Variants in DLG2 observed in about 807,000 individuals in gnomAD.
DLG2 encodes the protein discs large MAGUK scaffold protein 2, also known as disks large homolog 2.
In DLG2, 45 loss-of-function variants were observed where a neutral mutation model predicts 132.5. The ratio of observed to expected loss-of-function variants is 0.34; its 90% CI spans 0.27 to 0.44. DLG2 has a LOEUF of 0.44. Among genes scored for constraint, DLG2 ranks in the 20% least tolerant of loss-of-function variants. The pLI is 1.00. For synonymous variants in DLG2, 424 were observed against 419.6 expected (o/e 1.01, Z -0.13); for missense variants, 1,045 against 1,196.9 (o/e 0.87, Z 1.87).
intron 4 of DLG2, among the ~76,000 whole-genome samples, chr11:85,165,352 C>A (rs1313326710): frequency 6.6e-6 from 1 of 152,134 alleles, no homozygotes; most frequent in Non-Finnish European, 1.5e-5. Flanking sequence ...CCCAAAAGAC[C>A]AGACGAAATC....
At chr11:85,519,007 A>G (rs762193191) in intron 3 of DLG2, among the ~76,000 whole-genome samples, 32 of 152,154 alleles carry the variant, frequency 2.1e-4, no homozygotes, top group Non-Finnish European at 4.0e-4. Flanking sequence ...AGATTTCAGA[A>G]GACATATGGA....
intron 3 of DLG2, among the ~76,000 whole-genome samples, chr11:85,400,848 AG>A (rs1242677129): frequency 2.6e-5 from 4 of 151,538 alleles, no homozygotes; most frequent in African/African-American, 9.7e-5. Flanking sequence ...CGAGTTAATG[AG>A]TGCAGCACAC....
intron 2 of DLG2, among the ~76,000 whole-genome samples, chr11:85,621,311 A>G (rs2081684111): frequency 6.6e-6 from 1 of 152,228 alleles, no homozygotes; most frequent in Non-Finnish European, 1.5e-5. Flanking sequence ...CAAGGAGATT[A>G]AAGTTGTTTT....
At chr11:85,202,989 A>G (rs2081579001) in intron 4 of DLG2, among the ~76,000 whole-genome samples, 2 of 151,026 alleles carry the variant, frequency 1.3e-5, no homozygotes. Context: ...AGAGCTAGAA[A>G]ATAAGAACAA....
intron 3 of DLG2, among the ~76,000 whole-genome samples, chr11:85,348,129 G>A (rs182663173): frequency 5.3e-5 from 8 of 151,480 alleles, no homozygotes; most frequent in Non-Finnish European, 8.8e-5. Flanking sequence ...GGGACTACAC[G>A]CGCATGCCAC....
At chr11:84,530,444 C>A (rs567946639) in intron 7 of DLG2, among the ~76,000 whole-genome samples, 2 of 152,104 alleles carry the variant, frequency 1.3e-5, no homozygotes, top group Admixed American at 6.5e-5. Flanking sequence ...AAAAACAATC[C>A]TTTAAAAAAA....
intron 17 of DLG2, among the ~76,000 whole-genome samples, chr11:83,828,349 C>G (rs1318618973): frequency 6.6e-6 from 1 of 152,102 alleles, no homozygotes; most frequent in Non-Finnish European, 1.5e-5. Context: ...GCCGAGATCA[C>G]GCCACTGTGC....
rs2088807909 is a variant in DLG2 at position 83,455,493 on chromosome 11, G to A, written c.*4325C>T. Reference sequence around the variant, plus strand: ...CCATTGGGAGTCAACCTTGCCACTTGGTTGTCTGTCCTCATGAGTTGCTAG... The same window carrying A: ...CCATTGGGAGTCAACCTTGCCACTTAGTTGTCTGTCCTCATGAGTTGCTAG... On this transcript the variant is annotated 3_prime_UTR_variant, in exon 28 of 28. Coordinates refer to ENST00000376104, the MANE Select transcript of DLG2 (RefSeq NM_001142699.3). 1 of 152,604 alleles carries A rather than the reference G, an allele frequency of 6.6e-6. No individual in the cohort carries two copies. The allele number at this position is 152,604 out of a possible 1,614,324, so 9.5% of individuals were successfully genotyped here.
intron 3 of DLG2, among the ~76,000 whole-genome samples, chr11:85,306,790 T>C (rs981123096): frequency 6.6e-6 from 1 of 152,126 alleles, no homozygotes; most frequent in African/African-American, 2.4e-5. Context: ...GCCAGGATGG[T>C]CTCAATCTCC....
At chr11:84,383,272 T>G (rs1471720566) in intron 7 of DLG2, among the ~76,000 whole-genome samples, 1 of 151,502 alleles carries the variant, frequency 6.6e-6, no homozygotes. Context: ...GAAGATTTTC[T>G]GGATTATATG....
chr11:84,401,595 A>C (rs1002048473), intron 7 of DLG2, among the ~76,000 whole-genome samples: 2 of 152,072 alleles, frequency 1.3e-5, no homozygotes, highest in Non-Finnish European at 2.9e-5. Flanking sequence ...ACTCAATGTA[A>C]ATATCTATGG....
chr11:84,034,314 G>A (rs958685705), intron 11 of DLG2, among the ~76,000 whole-genome samples: 2 of 152,040 alleles, frequency 1.3e-5, no homozygotes, highest in Admixed American at 6.6e-5. Context: ...TTTTTTGGAT[G>A]TAATACTGTT....
intron 18 of DLG2, among the ~76,000 whole-genome samples, chr11:83,752,006 C>G (rs771700374): frequency 6.6e-6 from 1 of 152,190 alleles, no homozygotes. Context: ...CGGTGGCTCA[C>G]GCCTGTAATC....
chr11:84,780,040 C>T (rs2071433985), intron 6 of DLG2, among the ~76,000 whole-genome samples: 1 of 152,000 alleles, frequency 6.6e-6, no homozygotes, highest in Non-Finnish European at 1.5e-5. Flanking sequence ...TTCTACCATG[C>T]CAGTATCATC....
intron 18 of DLG2, among the ~76,000 whole-genome samples, chr11:83,660,071 G>T (rs575144974): frequency 6.6e-6 from 1 of 152,312 alleles, no homozygotes; most frequent in South Asian, 2.1e-4. Context: ...CGAAAAGATT[G>T]TTCTGGAGGG....
chr11:83,695,715 G>A (rs2081796347), intron 18 of DLG2, among the ~76,000 whole-genome samples: 1 of 152,016 alleles, frequency 6.6e-6, no homozygotes, highest in South Asian at 2.1e-4. Context: ...CTCCAGCCTG[G>A]GTGACAGAGT....
Position 84,803,090 on chromosome 11 carries a change from C to A in DLG2, c.358-268359G>T, listed in dbSNP as rs577312395. Among the ~76,000 whole-genome samples, 4 of 152,294 alleles carry A rather than the reference C, an allele frequency of 2.6e-5. No individual in the cohort carries two copies. In the South Asian group the frequency reaches 6.2e-4, roughly 24 times the overall value. ...CTGTGTTTACTGGCATAAGCCACAG[C>A]GCCCGGCCCTTTTTCCTTGTTTCTA... On this transcript the variant is annotated intron_variant, in intron 6 of 27. Coordinates refer to ENST00000376104, the MANE Select transcript of DLG2 (RefSeq NM_001142699.3).
chr11:83,996,351 G>A (rs759058045), intron 11 of DLG2, among the ~76,000 whole-genome samples: 3 of 152,166 alleles, frequency 2.0e-5, no homozygotes, highest in Non-Finnish European at 2.9e-5. Context: ...TGGGAAAAAG[G>A]TAACCCTTGT....
chr11:84,099,007 T>C lies in DLG2; in HGVS notation c.665A>G (p.Asp222Gly). Residue 222 changes from aspartate to glycine, a missense_variant, in exon 10 of 28, where the codon GAT becomes GGT. Asp to Gly is a moderately conservative substitution (Grantham distance 94). Coordinates refer to ENST00000376104, the MANE Select transcript of DLG2 (RefSeq NM_001142699.3). Reference protein sequence around the residue: ...GLGFSIAGGTDNPHIGDDPGI... With the variant: ...GLGFSIAGGTGNPHIGDDPGI... Reference sequence around the variant, plus strand: ...AGGGTCATCTCCAATGTGGGGATTATCTGTCCCCCCAGCAATACTGAATCC... The same window carrying C: ...AGGGTCATCTCCAATGTGGGGATTACCTGTCCCCCCAGCAATACTGAATCC... 6.2e-7 allele frequency: 1 copy of C among 1,612,364 alleles called. No individual in the cohort carries two copies. Among genetic ancestry groups the C allele is most frequent in the Non-Finnish European group, 8.5e-7 (1 of 1,178,538 alleles).
Sources: allele counts gnomAD v4.1 joint callset (sites outside exome capture counted in the v4.1 genomes callset), GRCh38; gene constraint gnomAD v4.1.1; transcripts MANE v1.5; gene names NCBI Gene and HGNC (gene_info 2026-07-23, HGNC 2026-07-21).